SPTBN5: variants seen among roughly 807,000 people sequenced by gnomAD.
SPTBN5 encodes spectrin beta chain, non-erythrocytic 5.
A neutral mutation model predicts 477.6 loss-of-function variants in SPTBN5; 513 were observed. That is an observed-to-expected ratio of 1.07 (90% CI 1.00 to 1.16). SPTBN5 has a LOEUF of 1.16. SPTBN5 is among the 50% of genes most tolerant of loss of function. The probability of loss-of-function intolerance (pLI) is 0.00; values close to 1 mark genes in which losing one functional copy is unlikely to be tolerated. For missense variants in SPTBN5, 5,062 were observed against 4,731.8 expected, an observed-to-expected ratio of 1.07 and a Z score of -2.05; for synonymous variants, 2,169 against 2,011.7, an observed-to-expected ratio of 1.08 and a Z score of -2.09.
chr15:41,850,635 A>G lies in SPTBN5; in HGVS notation c.10921+219T>C, dbSNP rs948838971. The G allele has an allele frequency of 7.0e-6, 4 of 570,110 alleles. No homozygotes were observed. In the South Asian group the frequency reaches 8.9e-5, roughly 13 times the overall value. 35.3% of individuals were successfully genotyped at this position (570,110 alleles called of 1,614,324 possible). On this transcript the variant is annotated intron_variant, in intron 66 of 67. Transcript: ENST00000320955. ...GGACCAGGACACAGCTGGGGGTTCA[A>G]AACTGGCCCCATCTCTGCTAATTAG...
At position 41,882,265 on chromosome 15, in the gene SPTBN5, C is replaced by G; in HGVS notation, c.2247+4G>C. On this transcript the variant is annotated splice_donor_region_variant and intron_variant, in intron 11 of 67. Coordinates refer to ENST00000320955, the MANE Select transcript of SPTBN5 (RefSeq NM_016642.4). ...CCCACCCCGCCTCCACCCCTCCCCA[C>G]TACCTGCAGGACCAGCAGGGCTGTC... 6.8e-7 allele frequency: 1 copy of G among 1,475,076 alleles called. No homozygotes were observed. Among genetic ancestry groups the G allele is most frequent in the Non-Finnish European group, 9.0e-7 (1 of 1,114,714 alleles). The allele number at this position is 1,475,076 out of a possible 1,614,324, so 91.4% of individuals were successfully genotyped here.
At chr15:41,860,360 C>G (rs542883559) in intron 47 of SPTBN5, among the ~76,000 whole-genome samples, 1 of 152,258 alleles carries the variant, frequency 6.6e-6, no homozygotes, top group Non-Finnish European at 1.5e-5. Context: ...TTGATCTCAA[C>G]TGAATGAAGA....
At position 41,876,519 on chromosome 15, in the gene SPTBN5, C is replaced by G. The variant is rs540847272; in HGVS notation, c.3951+29G>C. 11 of 1,548,748 alleles carry G rather than the reference C, an allele frequency of 7.1e-6. No homozygotes were observed. The African/African-American group carries it at 9.6e-5, about 13-fold the overall frequency. On this transcript the variant is annotated intron_variant, in intron 20 of 67. Transcript: ENST00000320955. Reference sequence around the variant, plus strand: ...GTCTCAGGCTTTCTTTTCAGGGAGGCGTCATGCGACCTGGGCCCAGACCCT... The same window carrying G: ...GTCTCAGGCTTTCTTTTCAGGGAGGGGTCATGCGACCTGGGCCCAGACCCT...
At chr15:41,867,862 G>A (rs888574675) in intron 34 of SPTBN5, among the ~76,000 whole-genome samples, 9 of 152,238 alleles carry the variant, frequency 5.9e-5, no homozygotes, top group African/African-American at 1.9e-4. Flanking sequence ...CAACTTCCTC[G>A]GGGCTCAGTC....
At chr15:41,868,690 G>A (rs1157726058) in intron 32 of SPTBN5, 89 bp from the exon 33 acceptor site, 3 of 1,388,040 alleles carry the variant, frequency 2.2e-6, no homozygotes, top group East Asian at 4.7e-5. Flanking sequence ...GCCCACCTGA[G>A]TCCACTCACA....
At chr15:41,868,690 G>C in intron 32 of SPTBN5, 89 bp from the exon 33 acceptor site, 1 of 1,388,158 alleles carries the variant, frequency 7.2e-7, no homozygotes. Flanking sequence ...GCCCACCTGA[G>C]TCCACTCACA....
intron 19 of SPTBN5, 48 bp from the exon 20 acceptor site, chr15:41,876,695 C>G: frequency 6.4e-7 from 1 of 1,574,246 alleles, no homozygotes; most frequent in Admixed American, 1.7e-5. Context: ...AGGACTCCCA[C>G]CCCAGCACGA....
intron 14 of SPTBN5, 105 bp from the exon 15 acceptor site, chr15:41,879,969 C>T (rs2066891884): frequency 6.7e-7 from 1 of 1,489,360 alleles, no homozygotes; most frequent in East Asian, 2.4e-5. Context: ...CAGGGATGCT[C>T]ATGCTGCCTG....
chr15:41,859,105 C>T (rs148614562), intron 47 of SPTBN5, 125 bp from the exon 48 acceptor site: 3 of 658,772 alleles, frequency 4.6e-6, no homozygotes, highest in Non-Finnish European at 7.2e-6. Flanking sequence ...AATAAAGGTA[C>T]ATTGCACTCC....
At chr15:41,851,024 G>A (rs1475682394) in intron 65 of SPTBN5, 35 bp downstream of exon 65, 12 of 1,600,768 alleles carry the variant, frequency 7.5e-6, no homozygotes, top group African/African-American at 5.4e-5. Context: ...GGTGGCTGCT[G>A]GGGGTGATGC....
rs534223930 is a variant in SPTBN5 at position 41,861,876 on chromosome 15, A to G, written c.7596T>C (p.Thr2532=). ...WTDSISLARS[T]GQQLLTAGHP... is the part of the protein sequence containing the mutation. The stretch of plus-strand genomic sequence containing the variant: ...GCCCCGCTGTGAGCAGTTGCTGCCC[A>G]GTGCTTCGGGCCAGGCTGATGCTGT... The change falls in exon 45 of 68, where the codon ACT becomes ACC. Residue 2532 remains threonine, a synonymous_variant. Coordinates refer to ENST00000320955, the MANE Select transcript of SPTBN5 (RefSeq NM_016642.4). 44 of 1,608,680 alleles carry G rather than the reference A, an allele frequency of 2.7e-5. No homozygotes were observed. The Admixed American group carries it at 5.0e-4, about 18-fold the overall frequency.
Position 41,860,739 on chromosome 15 carries a change from T to TCCATGGGGG in SPTBN5, c.7826_7834dup (p.Ala2609_Met2611dup). The TCCATGGGGG allele has an allele frequency of 6.3e-7, 1 of 1,595,394 alleles. No homozygotes were observed. The highest frequency in any genetic ancestry group is 8.5e-7 in the Non-Finnish European group (1 of 1,171,778). On this transcript the variant is annotated inframe_insertion, in exon 47 of 68. Coordinates refer to ENST00000320955, the MANE Select transcript of SPTBN5 (RefSeq NM_016642.4). Reference sequence around the variant, plus strand: ...CATCTTGTGCTTCCACAGAAGGGGCTCCATGGGGGCCAAGGGGTCCTGGTG... The same window carrying TCCATGGGGG: ...CATCTTGTGCTTCCACAGAAGGGGCTCCATGGGGGCCATGGGGGCCAAGGGGTCCTGGTG...
rs1403489029 is a variant in SPTBN5 at position 41,852,829 on chromosome 15, A to G, written c.10342T>C (p.Tyr3448His). Reference protein sequence around the residue: ...CWEGLLLKPDYGHSVSDVELL... With the variant: ...CWEGLLLKPDHGHSVSDVELL... Reference sequence around the variant, plus strand: ...GGGGCAGGACCCCCACTCACCCCATAGTCGGGCTTCAGCAGGAGTCCCTCC... The same window carrying G: ...GGGGCAGGACCCCCACTCACCCCATGGTCGGGCTTCAGCAGGAGTCCCTCC... Residue 3448 changes from tyrosine to histidine, a missense_variant, in exon 60 of 68, where the codon TAT becomes CAT. By Grantham distance (83) the Tyr-to-His change is moderately conservative (BLOSUM62 2). Transcript: ENST00000320955. 1.2e-6 allele frequency: 2 copies of G among 1,607,210 alleles called. No individual in the cohort carries two copies. Among genetic ancestry groups the G allele is most frequent in the Admixed American group, 1.7e-5 (1 of 59,650 alleles).
At chr15:41,879,688 A>G (rs1466021423) in intron 15 of SPTBN5, 46 bp downstream of exon 15, 1 of 1,608,990 alleles carries the variant, frequency 6.2e-7, no homozygotes, top group Non-Finnish European at 8.5e-7. Flanking sequence ...CAGGCTGGGC[A>G]CTGTGTCTGC....
At position 41,893,550 on chromosome 15, in the gene SPTBN5, G is replaced by C; in HGVS notation, c.-49-4C>G. 6.5e-7 allele frequency: 1 copy of C among 1,532,948 alleles called. No homozygotes were observed. The highest frequency in any genetic ancestry group is 8.7e-7 in the Non-Finnish European group (1 of 1,145,186). The allele number at this position is 1,532,948 out of a possible 1,614,324, so 95.0% of individuals were successfully genotyped here. On this transcript the variant is annotated splice_polypyrimidine_tract_variant and splice_region_variant and intron_variant, in intron 1 of 67. Transcript: ENST00000320955. ...GCTGCTGGATGGCTCCCTAAACCTGGAGGGCATGCAGATTAGGGGATGATG... is the reference window on the plus strand; with the variant it reads ...GCTGCTGGATGGCTCCCTAAACCTGCAGGGCATGCAGATTAGGGGATGATG...
In SPTBN5 at chr15:41,887,402, G is replaced by A. The variant is rs369028811; in HGVS notation, c.699C>T (p.Arg233=). The part of the protein sequence containing the change: ...LLDYGSLRPD[R]PLHNLAFAFL... ...AAGCAAAAGCAAGGTTGTGCAGTGGGCGGTCTGGACGCAGGGAGCCGTAGT... is the reference window on the plus strand; with the variant it reads ...AAGCAAAAGCAAGGTTGTGCAGTGGACGGTCTGGACGCAGGGAGCCGTAGT... The change falls in exon 6 of 68, where the codon CGC becomes CGT. Residue 233 remains arginine, a synonymous_variant. Transcript: ENST00000320955. The A allele has an allele frequency of 1.2e-4, 179 of 1,553,910 alleles. No individual in the cohort carries two copies. The highest frequency in any genetic ancestry group is 1.4e-4 in the Non-Finnish European group (160 of 1,148,834).
rs765519051 is a variant in SPTBN5, at chr15:41,868,157, C to T, written c.6119G>A (p.Arg2040Gln). The T allele has an allele frequency of 3.0e-5, 48 of 1,589,748 alleles. No individual in the cohort carries two copies. Among genetic ancestry groups the T allele is most frequent in the South Asian group, 5.7e-5 (5 of 87,126 alleles). Residue 2040 changes from arginine (R) to glutamine (Q), a missense_variant, in exon 34 of 68, where the codon CGG becomes CAG. Physicochemically the swap from Arg to Gln is conservative, Grantham distance 43. Transcript: ENST00000320955. ...CTCGGCCTGCAGCCTCTCTTGCTTC[C>T]GTGCCCAGGTCTGATACACCTGGTC... Reference protein sequence around the residue: ...QRDQVYQTWARKQERLQAEQQ... With the variant: ...QRDQVYQTWAQKQERLQAEQQ...
chr15:41,892,513 G>A (rs1312320677), intron 3 of SPTBN5, among the ~76,000 whole-genome samples: 1 of 152,194 alleles, frequency 6.6e-6, no homozygotes, highest in Non-Finnish European at 1.5e-5. Flanking sequence ...GGCTCTGTTG[G>A]CTGGTTAACC....
Position 41,887,239 on chromosome 15 carries a change from G to A in SPTBN5, c.862C>T (p.Gln288Ter). 6.4e-7 allele frequency: 1 copy of A among 1,551,478 alleles called. No homozygotes were observed. The highest frequency in any genetic ancestry group is 1.2e-5 in the South Asian group (1 of 84,054). The change falls in exon 6 of 68, where the codon CAG becomes TAG. Residue 288 changes from glutamine to a stop codon, truncating the protein, a stop_gained. Transcript: ENST00000320955. LOFTEE classifies it high-confidence loss of function. ...TTAGTGAGTCTCCTCTGGACAGTCT[G>A]CCCCTGATGCAGGCGGGAGCAGTAG... ...YHYCSRLHQGQTVQRRLTKIL... is the reference protein window; with the variant it reads ...YHYCSRLHQG
Sources: allele counts gnomAD v4.1 joint callset (sites outside exome capture counted in the v4.1 genomes callset), GRCh38; gene constraint gnomAD v4.1.1; transcripts MANE v1.5; gene names NCBI Gene and HGNC (gene_info 2026-07-23, HGNC 2026-07-21).